The following PRKG1 variants were observed in gnomAD, a reference collection of about 807,000 sequenced individuals.
PRKG1 encodes cGMP-dependent protein kinase 1.
A neutral mutation model predicts 88.1 loss-of-function variants in PRKG1; 35 were observed. The observed-to-expected ratio is 0.40, with a 90% confidence interval of 0.30 to 0.53. The LOEUF (loss-of-function observed/expected upper bound fraction) is 0.53. PRKG1 is among the 20% of genes least tolerant of loss of function. PRKG1 has a pLI of 0.59. For missense variants in PRKG1, 540 were observed against 839.8 expected, an observed-to-expected ratio of 0.64 and a Z score of 4.41; for synonymous variants, 303 against 292.5, an observed-to-expected ratio of 1.04 and a Z score of -0.37.
chr10:51,890,207 C>T (rs1040325375), intron 4 of PRKG1, among the ~76,000 whole-genome samples: 1 of 152,188 alleles, frequency 6.6e-6, no homozygotes, highest in Non-Finnish European at 1.5e-5. Flanking sequence ...ACGTTTAAGT[C>T]TTTAATCCAT....
intron 3 of PRKG1, among the ~76,000 whole-genome samples, chr10:51,799,437 C>T (rs983688319): frequency 2.0e-5 from 3 of 151,950 alleles, no homozygotes; most frequent in African/African-American, 4.8e-5. Flanking sequence ...GTATATGCAA[C>T]GAGACTCCTC....
chr10:51,348,880 A>T (rs1564456653), intron 2 of PRKG1, among the ~76,000 whole-genome samples: 1 of 151,598 alleles, frequency 6.6e-6, no homozygotes. Context: ...GTTCTTTTTC[A>T]TTTTTTTTCC....
At chr10:52,112,715 A>G (rs952430922) in intron 7 of PRKG1, among the ~76,000 whole-genome samples, 5 of 152,188 alleles carry the variant, frequency 3.3e-5, no homozygotes, top group African/African-American at 1.2e-4. Context: ...ATCCCTAAAC[A>G]GAATTTGATT....
intron 1 of PRKG1, among the ~76,000 whole-genome samples, chr10:51,136,112 TATA>T (rs973012233): frequency 3.3e-5 from 5 of 151,872 alleles, no homozygotes; most frequent in Non-Finnish European, 5.9e-5. Flanking sequence ...AAACTTAAAG[TATA>T]ATAATAATAA....
chr10:51,613,303 G>C (rs1025997127), intron 3 of PRKG1, among the ~76,000 whole-genome samples: 42 of 151,916 alleles, frequency 2.8e-4, no homozygotes, highest in African/African-American at 1.0e-3. Flanking sequence ...CAGTTTGTTA[G>C]TGTATAGTTA....
At chr10:51,390,999 C>A (rs1430598923) in intron 2 of PRKG1, among the ~76,000 whole-genome samples, 1 of 152,154 alleles carries the variant, frequency 6.6e-6, no homozygotes, top group Non-Finnish European at 1.5e-5. Flanking sequence ...TCTTCGTAAA[C>A]ATCATTTGAG....
At chr10:52,206,284 G>C (rs574015846) in intron 9 of PRKG1, among the ~76,000 whole-genome samples, 1 of 151,996 alleles carries the variant, frequency 6.6e-6, no homozygotes, top group Non-Finnish European at 1.5e-5. Context: ...TCTCTAAATG[G>C]CCATTTCCTC....
At chr10:51,620,537 A>C (rs1335267345) in intron 3 of PRKG1, among the ~76,000 whole-genome samples, 5 of 152,056 alleles carry the variant, frequency 3.3e-5, no homozygotes, top group African/African-American at 9.7e-5. Flanking sequence ...TCAGACTTAA[A>C]GCCCTGTGTT....
intron 9 of PRKG1, among the ~76,000 whole-genome samples, chr10:52,195,609 A>G (rs1419691066): frequency 6.6e-6 from 1 of 152,194 alleles, no homozygotes; most frequent in Admixed American, 6.5e-5. Context: ...ATTCTTATTT[A>G]CAACTCTTCA....
chr10:51,461,531 A>G (rs544121773), intron 2 of PRKG1, among the ~76,000 whole-genome samples: 6 of 152,196 alleles, frequency 3.9e-5, no homozygotes, highest in Non-Finnish European at 5.9e-5. Flanking sequence ...GCTTTATTCA[A>G]TGTCCAAAGA....
chr10:51,865,271 A>G (rs1006451131), intron 4 of PRKG1, among the ~76,000 whole-genome samples: 8 of 152,102 alleles, frequency 5.3e-5, no homozygotes, highest in Middle Eastern at 6.3e-3. Flanking sequence ...CTTAATTATG[A>G]CTTTGTTACC....
chr10:52,244,783 T>TATATATTTAAATATATTTAG (rs1840969635), intron 9 of PRKG1, among the ~76,000 whole-genome samples: 1 of 125,638 alleles, frequency 8.0e-6, no homozygotes, highest in African/African-American at 2.8e-5. Flanking sequence ...TATACCTTAA[T>TATATATTTAAATATATTTAG]ATATATTTAA....
chr10:52,096,613 G>A (rs1185961777), intron 7 of PRKG1, among the ~76,000 whole-genome samples: 2 of 152,086 alleles, frequency 1.3e-5, no homozygotes, highest in African/African-American at 4.8e-5. Flanking sequence ...TGCAGTTAGC[G>A]TCATTGTTCC....
intron 3 of PRKG1, among the ~76,000 whole-genome samples, chr10:51,573,474 T>C (rs1186262158): frequency 1.3e-5 from 2 of 151,936 alleles, no homozygotes; most frequent in Non-Finnish European, 2.9e-5. Context: ...AAAATAATTG[T>C]AATGGGCCTT....
At chr10:51,525,011 C>A (rs945815990) in intron 3 of PRKG1, among the ~76,000 whole-genome samples, 10 of 151,982 alleles carry the variant, frequency 6.6e-5, no homozygotes, top group Non-Finnish European at 1.5e-4. Flanking sequence ...TAAACAAGAA[C>A]AATGTTCCCT....
chr10:51,149,964 A>G (rs1846029991), intron 1 of PRKG1, among the ~76,000 whole-genome samples: 1 of 152,142 alleles, frequency 6.6e-6, no homozygotes, highest in African/African-American at 2.4e-5. Context: ...ACAAAGGAAT[A>G]GGGATAGCTC....
intron 3 of PRKG1, among the ~76,000 whole-genome samples, chr10:51,730,138 G>A (rs1007186714): frequency 6.6e-6 from 1 of 152,140 alleles, no homozygotes; most frequent in African/African-American, 2.4e-5. Context: ...ATCTGAGTCT[G>A]AGAATAGAAG....
chr10:51,589,453 G>A (rs777000051), intron 3 of PRKG1, among the ~76,000 whole-genome samples: 13 of 151,990 alleles, frequency 8.6e-5, no homozygotes, highest in African/African-American at 1.9e-4. Flanking sequence ...ATGAAACCCC[G>A]TCTCTACTAA....
intron 2 of PRKG1, among the ~76,000 whole-genome samples, chr10:51,444,706 G>A (rs1205792842): frequency 1.3e-5 from 2 of 151,936 alleles, no homozygotes; most frequent in African/African-American, 4.8e-5. Context: ...AGCTTCAGCT[G>A]CTGGTAGGCA....
Sources: gnomAD v4.1 joint callset for allele counts (sites outside exome capture counted in the v4.1 genomes callset) on GRCh38, gnomAD v4.1.1 for gene constraint, MANE v1.5 for transcripts, NCBI Gene and HGNC (gene_info 2026-07-23, HGNC 2026-07-21) for gene names.